ATP2B2: variants seen among roughly 807,000 people sequenced by gnomAD.
The protein encoded by ATP2B2 is plasma membrane calcium-transporting ATPase 2.
A neutral mutation model predicts 120.0 loss-of-function variants in ATP2B2; 15 were observed. The observed-to-expected ratio is 0.12, with a 90% CI of 0.08 to 0.19. ATP2B2 has a LOEUF of 0.19. ATP2B2 is among the 10% of genes least tolerant of loss of function. The probability of loss-of-function intolerance (pLI) is 1.00; values close to 1 mark genes in which losing one functional copy is unlikely to be tolerated. For synonymous variants in ATP2B2, 694 were observed against 700.3 expected (o/e 0.99, Z 0.14); for missense variants, 1,045 against 1,719.8 (o/e 0.61, Z 6.94).
At chr3:10,616,085 C>G (rs1359885566) in intron 2 of ATP2B2, among the ~76,000 whole-genome samples, 1 of 152,182 alleles carries the variant, frequency 6.6e-6, no homozygotes, top group African/African-American at 2.4e-5. Context: ...ACTACAGTTC[C>G]AAGTTCAGTG....
At chr3:10,640,618 C>T (rs1212383452) in intron 1 of ATP2B2, among the ~76,000 whole-genome samples, 2 of 152,066 alleles carry the variant, frequency 1.3e-5, no homozygotes, top group Non-Finnish European at 2.9e-5. Context: ...ACTGGGATTC[C>T]CAGAAAGCTT....
Position 10,612,273 on chromosome 3 carries a change from C to T in ATP2B2, c.-415+7644G>A, listed in dbSNP as rs530610699. On this transcript the variant is annotated intron_variant, in intron 2 of 21. Coordinates refer to the ATP2B2 transcript ENST00000646379. The stretch of plus-strand genomic sequence containing the variant: ...CACTAACCGTTCCCACCTTGGTCCT[C>T]TTCAATTAGCTTTTGTCACCTCTCC... 1.1e-3 allele frequency among the ~76,000 whole-genome samples: 166 copies of T among 152,348 alleles called. 2 individuals are homozygous for T. The highest frequency in any genetic ancestry group is 3.7e-3 in the African/African-American group (154 of 41,590).
intron 1 of ATP2B2, among the ~76,000 whole-genome samples, chr3:10,690,701 G>C (rs940486955): frequency 1.3e-5 from 2 of 152,088 alleles, no homozygotes; most frequent in East Asian, 1.9e-4. Context: ...AGTGCACCAG[G>C]GCTGTGTGGA....
intron 2 of ATP2B2, among the ~76,000 whole-genome samples, chr3:10,557,299 T>A (rs2125523308): frequency 6.6e-6 from 1 of 152,340 alleles, no homozygotes; most frequent in South Asian, 2.1e-4. Flanking sequence ...AAGTGTGAAC[T>A]TTTGAGGACT....
At chr3:10,699,576 C>T (rs1575633710) in intron 1 of ATP2B2, among the ~76,000 whole-genome samples, 1 of 151,984 alleles carries the variant, frequency 6.6e-6, no homozygotes, top group Non-Finnish European at 1.5e-5. Flanking sequence ...TTCAATACCC[C>T]TTGAATTTTC....
At chr3:10,473,028 C>T (rs1363374344) in intron 1 of ATP2B2, among the ~76,000 whole-genome samples, 4 of 152,172 alleles carry the variant, frequency 2.6e-5, no homozygotes, top group Non-Finnish European at 5.9e-5. Flanking sequence ...TTTACATGAC[C>T]ACCAGGCATA....
Position 10,449,500 on chromosome 3 carries a change from C to G in ATP2B2, c.44G>C (p.Arg15Thr), listed in dbSNP as rs202179800. The change falls in exon 2 of 23, where the codon AGA becomes ACA. Residue 15 changes from arginine (R) to threonine (T), a missense_variant. Arg to Thr is a moderately conservative substitution (Grantham distance 71). Coordinates refer to ENST00000360273, the MANE Select transcript of ATP2B2 (RefSeq NM_001001331.4). Reference sequence around the variant, plus strand: ...CTCGCCCCCATGGCTCGACTCATTTCTTTGGTTTTTGGAGTAAAAGTCGCT... The same window carrying G: ...CTCGCCCCCATGGCTCGACTCATTTGTTTGGTTTTTGGAGTAAAAGTCGCT... ...TNSDFYSKNQ[R>T]NESSHGGEFG... 1.2e-6 allele frequency: 2 copies of G among 1,614,276 alleles called. No homozygotes were observed. The highest frequency in any genetic ancestry group is 2.2e-5 in the East Asian group (1 of 44,880).
At chr3:10,570,868 GC>G (rs1285784970) in intron 2 of ATP2B2, among the ~76,000 whole-genome samples, 2 of 152,196 alleles carry the variant, frequency 1.3e-5, no homozygotes, top group African/African-American at 4.8e-5. Flanking sequence ...TCACTGCCAT[GC>G]CCCGAGAGGC....
intron 2 of ATP2B2, among the ~76,000 whole-genome samples, chr3:10,542,525 G>A (rs1479933988): frequency 6.6e-6 from 1 of 152,082 alleles, no homozygotes; most frequent in Non-Finnish European, 1.5e-5. Context: ...TTTAGGATAG[G>A]TCTTCTGGCA....
chr3:10,440,100 TAAAAA>T (rs71055819), intron 2 of ATP2B2, among the ~76,000 whole-genome samples: 2 of 28,142 alleles, frequency 7.1e-5, no homozygotes, highest in African/African-American at 1.5e-4. Context: ...AGACTCTATC[TAAAAA>T]AAAAAAAAAA....
At position 10,602,225 on chromosome 3, in the gene ATP2B2, G is replaced by A. The variant is rs73033877; in HGVS notation, c.-415+17692C>T. ...ACTCCTTTGGTCACAGAATGTGGGG[G>A]TCTGTTCTGGAATCCCACCCACTCT... On this transcript the variant is annotated intron_variant, in intron 2 of 21. Coordinates refer to the ATP2B2 transcript ENST00000646379. Among the ~76,000 whole-genome samples, 924 of 152,284 alleles carry A rather than the reference G, an allele frequency of 6.1e-3. 7 individuals carry two copies. The highest frequency in any genetic ancestry group is 8.7e-3 in the Non-Finnish European group (592 of 68,024).
At chr3:10,533,126 T>A (rs1054364826) in intron 3 of ATP2B2, among the ~76,000 whole-genome samples, 2 of 152,066 alleles carry the variant, frequency 1.3e-5, no homozygotes, top group Non-Finnish European at 2.9e-5. Flanking sequence ...ATCACCCTAA[T>A]GTAAGGTTGG....
At position 10,340,529 on chromosome 3, in the gene ATP2B2, G is replaced by T. The variant is rs1211104214; in HGVS notation, c.3093C>A (p.Ile1031=). ...AGGTGCCCAGCACGATGGTGCAGAA[G>T]ATGGGGTTCCGGAAGATGCCGTCAA... is the stretch of plus-strand genomic sequence containing the variant. ...NVFDGIFRNP[I]FCTIVLGTFA... Residue 1031 remains isoleucine, a synonymous_variant, in exon 20 of 23, where the codon ATC becomes ATA. Transcript: ENST00000360273. The surrounding 1 kb of genome is among the most constrained non-coding windows in gnomAD (Gnocchi z 5.0). 6.2e-7 allele frequency: 1 copy of T among 1,614,268 alleles called. No individual in the cohort carries two copies. Among genetic ancestry groups the T allele is most frequent in the Non-Finnish European group, 8.5e-7 (1 of 1,180,048 alleles).
At chr3:10,689,717 G>A (rs79794562) in intron 1 of ATP2B2, among the ~76,000 whole-genome samples, 86 of 152,304 alleles carry the variant, frequency 5.6e-4, no homozygotes, top group African/African-American at 1.9e-3. Context: ...CATTGCCCTG[G>A]CCTCGTTTGG....
At chr3:10,496,797 C>G (rs963010422) in intron 1 of ATP2B2, among the ~76,000 whole-genome samples, 4 of 152,206 alleles carry the variant, frequency 2.6e-5, no homozygotes, top group Non-Finnish European at 5.9e-5. Flanking sequence ...AGATGGGAAA[C>G]TGATGCTCAG....
At chr3:10,467,970 G>A (rs2064820567) in intron 1 of ATP2B2, among the ~76,000 whole-genome samples, 1 of 152,180 alleles carries the variant, frequency 6.6e-6, no homozygotes, top group Non-Finnish European at 1.5e-5. Flanking sequence ...AGGTCACAGA[G>A]CCAGGGAATG....
At chr3:10,529,965 G>A (rs1474148242) in intron 3 of ATP2B2, among the ~76,000 whole-genome samples, 8 of 152,184 alleles carry the variant, frequency 5.3e-5, no homozygotes, top group Non-Finnish European at 1.2e-4. Flanking sequence ...CCGGGAAAGA[G>A]TCAGCCTCCC....
rs778686461 is a variant in ATP2B2 at position 10,402,481 on chromosome 3, G to A, written c.398-133C>T. ...GATGATAATTATCCACTTACTCAGT[G>A]TGTCTGGGTACCAAGCCCTGTGGAA... On this transcript the variant is annotated intron_variant, in intron 3 of 22. Transcript: ENST00000360273. The surrounding 1 kb of genome is among the most constrained non-coding windows in gnomAD (Gnocchi z 4.9). 1.5e-5 allele frequency: 20 copies of A among 1,336,810 alleles called. No individual in the cohort carries two copies. The highest frequency in any genetic ancestry group is 6.0e-5 in the South Asian group (5 of 83,280). The allele number at this position is 1,336,810 out of a possible 1,614,324, so 82.8% of individuals were successfully genotyped here.
chr3:10,522,527 G>A (rs1283558763), intron 3 of ATP2B2, among the ~76,000 whole-genome samples: 1 of 152,142 alleles, frequency 6.6e-6, no homozygotes, highest in Non-Finnish European at 1.5e-5. Context: ...AGCCAGTGTT[G>A]GACTTGTTAG....
Sources: gnomAD v4.1 joint callset for allele counts (sites outside exome capture counted in the v4.1 genomes callset) on GRCh38, gnomAD v4.1.1 for gene constraint, Gnocchi (gnomAD v3.1) non-coding constraint, MANE v1.5 for transcripts, NCBI Gene and HGNC (gene_info 2026-07-23, HGNC 2026-07-21) for gene names.